ZFP62: variants seen among roughly 807,000 people sequenced by gnomAD.
ZFP62 encodes ZFP62 zinc finger protein.
ZFP62 carries 44 observed loss-of-function variants against 56.4 expected under a neutral mutation model. The observed-to-expected ratio is 0.78, with a 90% confidence interval of 0.61 to 1.00. The LOEUF is 1.00. Ranked by LOEUF, ZFP62 falls within the 50% of genes least tolerant of loss-of-function variation. The pLI is 0.00. For synonymous variants in ZFP62, 421 were observed against 388.9 expected (o/e 1.08, Z -0.97); for missense variants, 1,030 against 1,085.7 (o/e 0.95, Z 0.72).
intron 1 of ZFP62, among the ~76,000 whole-genome samples, chr5:180,858,274 A>G (rs1174024544): frequency 3.6e-5 from 4 of 109,718 alleles, no homozygotes; most frequent in African/African-American, 9.1e-5. Context: ...AAAAAAAAAA[A>G]AAAAGAAAAA....
chr5:180,859,856 T>TA (rs1355721207), intron 1 of ZFP62, among the ~76,000 whole-genome samples: 2 of 152,310 alleles, frequency 1.3e-5, no homozygotes, highest in South Asian at 2.1e-4. Context: ...TGAGTTAATG[T>TA]AAAAAAATAA....
chr5:180,848,795 C>T lies in ZFP62; in HGVS notation c.2700G>A (p.Leu900=), dbSNP rs1441906186. 1 of 1,523,110 alleles carries T rather than the reference C, an allele frequency of 6.6e-7. No homozygotes were observed. Among genetic ancestry groups the T allele is most frequent in the South Asian group, 1.2e-5 (1 of 81,240 alleles). The allele number at this position is 1,523,110 out of a possible 1,614,324, so 94.3% of individuals were successfully genotyped here. A position where few individuals can be genotyped will look rare whatever the true frequency, so the allele number is the denominator to read the frequency against. The change falls in exon 2 of 2, where the codon CTG becomes CTA. Residue 900 remains leucine (L), a synonymous_variant. Coordinates refer to ENST00000502412, the MANE Select transcript of ZFP62 (RefSeq NM_001172638.2). ...ALDGGRMRMP[L] ...GAGACTTGGTAAGCTCTGCCTGCTA[C>T]AGAGGCATCCTCATCCTGCCCCCAT...
intron 1 of ZFP62, chr5:180,860,840 T>G: frequency 1.1e-5 from 3 of 270,932 alleles, no homozygotes; most frequent in Non-Finnish European, 1.4e-5. Context: ...TGGTGGGTAT[T>G]TTGAAGCGCT....
downstream of ZFP62, among the ~76,000 whole-genome samples, chr5:180,847,323 T>A (rs1312959977): frequency 6.6e-6 from 1 of 151,838 alleles, no homozygotes; most frequent in Non-Finnish European, 1.5e-5. Flanking sequence ...ATTCTACATG[T>A]TCCTGACAGA....
At chr5:180,859,617 G>A (rs1263803764) in intron 1 of ZFP62, among the ~76,000 whole-genome samples, 1 of 152,206 alleles carries the variant, frequency 6.6e-6, no homozygotes, top group Non-Finnish European at 1.5e-5. Flanking sequence ...TCGTAGGGGA[G>A]GAGGTGAGCA....
rs1384978546 is a variant in ZFP62 at position 180,849,131 on chromosome 5, A to C, written c.2364T>G (p.Asp788Glu). Residue 788 changes from aspartate (D) to glutamate (E), a missense_variant, in exon 2 of 2, where the codon GAT becomes GAG. Physicochemically the swap from Asp to Glu is conservative, Grantham distance 45 (BLOSUM62 2). Coordinates refer to ENST00000502412, the MANE Select transcript of ZFP62 (RefSeq NM_001172638.2). ...IHTGEKPYEC[D>E]ECGKAYISHS... Reference sequence around the variant, plus strand: ...GTGAGATGTATGCCTTCCCACACTCATCACATTCATAGGGTTTCTCACCTG... The same window carrying C: ...GTGAGATGTATGCCTTCCCACACTCCTCACATTCATAGGGTTTCTCACCTG... 6.4e-7 allele frequency: 1 copy of C among 1,561,532 alleles called. No individual in the cohort carries two copies.
chr5:180,852,967 G>A (rs1412318319), intron 1 of ZFP62, among the ~76,000 whole-genome samples: 1 of 152,184 alleles, frequency 6.6e-6, no homozygotes, highest in Non-Finnish European at 1.5e-5. Flanking sequence ...GAGGAAACAG[G>A]CACTCTCATA....
chr5:180,840,135 G>A, the ZFP62 span, among the ~76,000 whole-genome samples: 2 of 152,350 alleles, frequency 1.3e-5, no homozygotes, highest in South Asian at 2.1e-4. Context: ...TCATGAGGGC[G>A]TGTTCCATGA....
At chr5:180,858,866 C>G (rs1475072743) in intron 1 of ZFP62, among the ~76,000 whole-genome samples, 1 of 152,218 alleles carries the variant, frequency 6.6e-6, no homozygotes, top group Non-Finnish European at 1.5e-5. Flanking sequence ...CAGTTTTCAA[C>G]ACGCAGCATG....
chr5:180,830,056 A>G, the ZFP62 span: 1 of 152,310 alleles, frequency 6.6e-6, no homozygotes, highest in Non-Finnish European at 1.5e-5. Flanking sequence ...CTGTGGCACC[A>G]CCAAGACCCC....
the ZFP62 span, among the ~76,000 whole-genome samples, chr5:180,828,624 A>C: frequency 6.6e-6 from 1 of 152,244 alleles, no homozygotes; most frequent in Non-Finnish European, 1.5e-5. Context: ...ATGTCACCTC[A>C]GGATCACTAT....
chr5:180,828,098 T>C, the ZFP62 span, among the ~76,000 whole-genome samples: 6 of 152,142 alleles, frequency 3.9e-5, no homozygotes, highest in South Asian at 2.1e-4. Context: ...GGATCCTCCA[T>C]ATGCTGAACG....
Position 180,850,316 on chromosome 5 carries a change from G to T in ZFP62, c.1179C>A (p.Tyr393Ter). ...HKRIHTGEKP[Y>*]KCDVCGKAFS... ...ATGCTTTGCCACAGACATCACACTTGTAAGGTTTCTCTCCTGTGTGGATCC... is the reference window on the plus strand; with the variant it reads ...ATGCTTTGCCACAGACATCACACTTTTAAGGTTTCTCTCCTGTGTGGATCC... Residue 393 changes from tyrosine (Y) to a stop codon, truncating the protein, a stop_gained, in exon 2 of 2, where the codon TAC (tyrosine) becomes TAA (stop). Transcript: ENST00000502412. LOFTEE classifies it high-confidence loss of function. The T allele has an allele frequency of 6.4e-7, 1 of 1,568,632 alleles. No homozygotes were observed. The highest frequency in any genetic ancestry group is 8.6e-7 in the Non-Finnish European group (1 of 1,156,854).
At chr5:180,846,983 C>T (rs1283765708), downstream of ZFP62, among the ~76,000 whole-genome samples, 2 of 152,304 alleles carry the variant, frequency 1.3e-5, no homozygotes, top group Admixed American at 1.3e-4. Flanking sequence ...CCTTTCCTCC[C>T]TCAACTCCAC....
chr5:180,840,525 G>T, the ZFP62 span, among the ~76,000 whole-genome samples: 2 of 152,130 alleles, frequency 1.3e-5, no homozygotes, highest in Non-Finnish European at 2.9e-5. Flanking sequence ...TTGGGAGGCT[G>T]AGGCAGGTGG....
the ZFP62 span, chr5:180,830,902 G>C: frequency 1.3e-5 from 2 of 152,458 alleles, no homozygotes; most frequent in African/African-American, 2.4e-5. Context: ...AGAGACGGCG[G>C]GTGGGGGTTG....
chr5:180,836,943 A>C, the ZFP62 span, among the ~76,000 whole-genome samples: 1 of 152,234 alleles, frequency 6.6e-6, no homozygotes. Context: ...TCAAATGAGA[A>C]TCTCCAGAAA....
chr5:180,856,149 AGGT>A (rs1773957690), intron 1 of ZFP62, among the ~76,000 whole-genome samples: 1 of 152,156 alleles, frequency 6.6e-6, no homozygotes, highest in South Asian at 2.1e-4. Context: ...TCTCTAACCT[AGGT>A]GAAGGCCAGG....
the ZFP62 span, among the ~76,000 whole-genome samples, chr5:180,841,005 G>GT: frequency 1.3e-5 from 2 of 152,014 alleles, no homozygotes; most frequent in African/African-American, 4.8e-5. Flanking sequence ...AGGTTTTTTT[G>GT]TTTTTTGTTG....
Sources: allele counts gnomAD v4.1 joint callset (sites outside exome capture counted in the v4.1 genomes callset), GRCh38; gene constraint gnomAD v4.1.1; transcripts MANE v1.5; gene names NCBI Gene and HGNC (gene_info 2026-07-23, HGNC 2026-07-21).